Variants in OSCP1 observed in about 807,000 individuals in gnomAD.
OSCP1 encodes protein OSCP1.
OSCP1 carries 35 observed loss-of-function variants against 45.1 expected under a neutral mutation model. The observed-to-expected ratio is 0.78, with a 90% CI of 0.59 to 1.03. OSCP1 has a LOEUF of 1.03. Among genes scored for constraint, OSCP1 ranks in the 50% least tolerant of loss-of-function variants. The probability of loss-of-function intolerance (pLI) is 0.00; values close to 1 mark genes in which losing one functional copy is unlikely to be tolerated. For missense variants in OSCP1, 400 were observed against 470.7 expected, an observed-to-expected ratio of 0.85 and a Z score of 1.39; for synonymous variants, 179 against 180.1, an observed-to-expected ratio of 0.99 and a Z score of 0.05.
At chr1:36,439,855 T>G (rs978499837) in intron 1 of OSCP1, among the ~76,000 whole-genome samples, 16 of 152,250 alleles carry the variant, frequency 1.1e-4, no homozygotes, top group East Asian at 1.9e-4. Flanking sequence ...GTTTTAGGTC[T>G]TCATTCATCT....
chr1:36,423,271 T>C, intron 5 of OSCP1, 92 bp downstream of exon 5: 1 of 1,028,266 alleles, frequency 9.7e-7, no homozygotes, highest in Non-Finnish European at 1.5e-6. Context: ...GGGCAGACTG[T>C]GAGTGGCTTG....
At chr1:36,432,327 C>T (rs1156833377) in intron 3 of OSCP1, 95 bp downstream of exon 3, 1 of 1,419,998 alleles carries the variant, frequency 7.0e-7, no homozygotes, top group African/African-American at 1.4e-5. Context: ...TGCCATTCCT[C>T]ATCCTGTTCT....
intron 4 of OSCP1, among the ~76,000 whole-genome samples, chr1:36,426,397 A>G (rs1341060391): frequency 6.6e-6 from 1 of 150,484 alleles, no homozygotes; most frequent in Non-Finnish European, 1.5e-5. Flanking sequence ...CTCCTCCCAT[A>G]CTCCAGGGCT....
chr1:36,438,446 T>C (rs1452747231), intron 2 of OSCP1, among the ~76,000 whole-genome samples: 1 of 151,710 alleles, frequency 6.6e-6, no homozygotes, highest in Non-Finnish European at 1.5e-5. Flanking sequence ...GCTATGATTG[T>C]ACCACTGCAC....
At chr1:36,436,120 T>A in intron 2 of OSCP1, among the ~76,000 whole-genome samples, 1 of 150,702 alleles carries the variant, frequency 6.6e-6, no homozygotes, top group African/African-American at 2.4e-5. Flanking sequence ...TTTTTTTTTT[T>A]TGAGATGGAG....
chr1:36,437,495 T>C (rs991369849), intron 2 of OSCP1, among the ~76,000 whole-genome samples: 3 of 152,066 alleles, frequency 2.0e-5, no homozygotes, highest in Admixed American at 6.6e-5. Flanking sequence ...TGGGGTTGAG[T>C]GCTTTTTAAA....
chr1:36,420,222 T>A (rs1647531947), intron 8 of OSCP1: 1 of 311,972 alleles, frequency 3.2e-6, no homozygotes, highest in Non-Finnish European at 5.8e-6. Context: ...GTGATCCGCC[T>A]GCCTTGGCCT....
chr1:36,438,241 C>T (rs908106161), intron 2 of OSCP1, among the ~76,000 whole-genome samples: 7 of 143,194 alleles, frequency 4.9e-5, no homozygotes, highest in African/African-American at 1.1e-4. Context: ...CGCTTGAACC[C>T]GGGAGGCGGA....
rs572157611 is a variant in OSCP1 at position 36,428,082 on chromosome 1, C to T, written c.516+3720G>A. ...GTGTGCACCTGTAATCCCAGCTACT[C>T]GGGAGGCTGAGGCAGGGGAATTGCT... On this transcript the variant is annotated intron_variant, in intron 4 of 9. Transcript: ENST00000235532. 5.4e-5 allele frequency among the ~76,000 whole-genome samples: 8 copies of T among 147,294 alleles called. No individual in the cohort carries two copies. In the South Asian group the frequency reaches 6.5e-4, roughly 12 times the overall value.
chr1:36,445,309 C>CA (rs113420443), intron 1 of OSCP1, among the ~76,000 whole-genome samples: 8,674 of 152,244 alleles, frequency 0.057, 792 homozygotes, highest in African/African-American at 0.2. Flanking sequence ...GAGACTACGC[C>CA]ACTGGGCGAC....
In OSCP1 at chr1:36,423,359, T is replaced by C; in HGVS notation, c.620+4A>G. Reference sequence around the variant, plus strand: ...CATAGCTCTGATCATTGTTGGGAATTCACCTGATGAGTCCTGGAACTTCAG... The same window carrying C: ...CATAGCTCTGATCATTGTTGGGAATCCACCTGATGAGTCCTGGAACTTCAG... On this transcript the variant is annotated splice_donor_region_variant and intron_variant, in intron 5 of 9. Transcript: ENST00000235532. 1 of 1,596,240 alleles carries C rather than the reference T, an allele frequency of 6.3e-7. No homozygotes were observed. Among genetic ancestry groups the C allele is most frequent in the Non-Finnish European group, 8.6e-7 (1 of 1,163,774 alleles).
intron 2 of OSCP1, among the ~76,000 whole-genome samples, chr1:36,437,436 C>G (rs1285325237): frequency 6.6e-6 from 1 of 152,114 alleles, no homozygotes; most frequent in Non-Finnish European, 1.5e-5. Flanking sequence ...TATCTGGTTT[C>G]TACATTGCAG....
intron 7 of OSCP1, among the ~76,000 whole-genome samples, chr1:36,421,007 G>A (rs1348012427): frequency 4.6e-5 from 7 of 151,984 alleles, no homozygotes; most frequent in Non-Finnish European, 7.4e-5. Context: ...AGGTGGTGAC[G>A]GCCGGGAACA....
Position 36,432,414 on chromosome 1 carries a change from A to G in OSCP1, c.435+8T>C. On this transcript the variant is annotated splice_region_variant and intron_variant, in intron 3 of 9. Coordinates refer to ENST00000235532, the MANE Select transcript of OSCP1 (RefSeq NM_145047.5). ...GGCTGAGAGGCGAGACACTGATGGC[A>G]CTCTTACTTCTGTCAGCTGCCGCAA... 6.2e-7 allele frequency: 1 copy of G among 1,613,308 alleles called. No homozygotes were observed. The highest frequency in any genetic ancestry group is 8.5e-7 in the Non-Finnish European group (1 of 1,179,626).
chr1:36,421,011 G>A (rs2124774093), intron 7 of OSCP1, among the ~76,000 whole-genome samples: 2 of 152,044 alleles, frequency 1.3e-5, no homozygotes, highest in South Asian at 4.2e-4. Context: ...GGTGACGGCC[G>A]GGAACACACC....
intron 3 of OSCP1, 24 bp from the exon 4 acceptor site, chr1:36,431,906 G>T (rs1648389681): frequency 6.2e-7 from 1 of 1,608,030 alleles, no homozygotes; most frequent in Non-Finnish European, 8.5e-7. Flanking sequence ...GCAGAAAGCA[G>T]CACTTCACTT....
rs79224655 is a variant in OSCP1, at chr1:36,448,346, C to A, written c.112+1912G>T. Among the ~76,000 whole-genome samples the A allele has an allele frequency of 6.9e-3, 1,049 of 152,250 alleles. 13 individuals are homozygous for A. Among genetic ancestry groups the A allele is most frequent in the African/African-American group, 0.024 (980 of 41,546 alleles). On this transcript the variant is annotated intron_variant, in intron 1 of 9. Coordinates refer to ENST00000235532, the MANE Select transcript of OSCP1 (RefSeq NM_145047.5). ...CTAGCCTGAATGAAATCAGATCACA[C>A]AGGCACCAAGGAAAACAGAACCCTC...
At chr1:36,443,961 C>T in intron 1 of OSCP1, 5 of 1,595,954 alleles carry the variant, frequency 3.1e-6, no homozygotes, top group Non-Finnish European at 4.3e-6. Flanking sequence ...CTGAGTGAAC[C>T]TGTGGATGCA....
intron 1 of OSCP1, among the ~76,000 whole-genome samples, chr1:36,441,384 A>C (rs1048759971): frequency 6.6e-6 from 1 of 152,184 alleles, no homozygotes; most frequent in African/African-American, 2.4e-5. Context: ...AAGAGGAAGG[A>C]GATGTTATCC....
Sources: gnomAD v4.1 joint callset for allele counts (sites outside exome capture counted in the v4.1 genomes callset) on GRCh38, gnomAD v4.1.1 for gene constraint, MANE v1.5 for transcripts, NCBI Gene and HGNC (gene_info 2026-07-23, HGNC 2026-07-21) for gene names.